PLA2G4D: variants seen among roughly 807,000 people sequenced by gnomAD.
PLA2G4D encodes phospholipase A2 group IVD, also known as cytosolic phospholipase A2 delta.
In PLA2G4D, 80 loss-of-function variants were observed where a neutral mutation model predicts 94.4. That is an observed-to-expected ratio of 0.85 (90% CI 0.71 to 1.02). The LOEUF is 1.02. Ranked by LOEUF, PLA2G4D falls within the 50% of genes least tolerant of loss-of-function variation. The pLI is 0.00. For missense variants in PLA2G4D, 1,050 were observed against 1,034.7 expected (o/e 1.01, Z -0.20); for synonymous variants, 438 against 440.9 (o/e 0.99, Z 0.08).
rs559939456 is a variant in PLA2G4D at position 42,083,421 on chromosome 15, C to G, written c.536-87G>C. ...GGACAGCAGCACCACCACCTGGATT[C>G]AGAGGATGCCTGGGAGGCTGGGCCA... On this transcript the variant is annotated intron_variant, in intron 7 of 19. Coordinates refer to ENST00000290472, the MANE Select transcript of PLA2G4D (RefSeq NM_178034.4). 90 of 1,518,558 alleles carry G rather than the reference C, an allele frequency of 5.9e-5. No homozygotes were observed. The East Asian group carries it at 1.4e-3, about 24-fold the overall frequency. 94.1% of individuals were successfully genotyped at this position (1,518,558 alleles called of 1,614,324 possible). A position where few individuals can be genotyped will look rare whatever the true frequency, so the allele number is the denominator to read the frequency against.
chr15:42,085,626 G>A (rs1311179460), intron 4 of PLA2G4D, 95 bp from the exon 5 acceptor site: 28 of 1,265,596 alleles, frequency 2.2e-5, no homozygotes, highest in African/African-American at 4.4e-5. Context: ...CCTCTCAAGC[G>A]GTCTCCAAGG....
At chr15:42,089,590 A>G (rs933956913) in intron 1 of PLA2G4D, among the ~76,000 whole-genome samples, 6 of 152,252 alleles carry the variant, frequency 3.9e-5, no homozygotes, top group Non-Finnish European at 7.4e-5. Flanking sequence ...CAGAGATTTC[A>G]TGAACTTTGG....
At chr15:42,082,441 A>G (rs745749378) in intron 8 of PLA2G4D, 52 bp from the exon 9 acceptor site, 4 of 1,357,848 alleles carry the variant, frequency 2.9e-6, no homozygotes, top group Admixed American at 3.4e-5. Flanking sequence ...ACAAATCCCT[A>G]CTAAGTATCT....
intron 15 of PLA2G4D, 30 bp downstream of exon 15, chr15:42,071,744 G>T (rs1889824136): frequency 4.3e-6 from 7 of 1,611,906 alleles, no homozygotes; most frequent in Non-Finnish European, 5.9e-6. Flanking sequence ...GCCCAGGGCT[G>T]CCCAGGGCCT....
chr15:42,071,644 C>T, intron 15 of PLA2G4D, 93 bp from the exon 16 acceptor site: 1 of 1,467,916 alleles, frequency 6.8e-7, no homozygotes. Flanking sequence ...GAGGGCTACC[C>T]CTACAATGCA....
chr15:42,068,877 G>C lies in PLA2G4D; in HGVS notation c.2295C>G (p.Pro765=). ...TGTAGGTCATGTTGGACAGGGTGTA[G>C]GGGCAGGTGGCCCCGGTGAGATCCA... ...GQVDLTGATC[P]YTLSNMTYKE... Residue 765 remains proline (P), a synonymous_variant, in exon 20 of 20, where the codon CCC becomes CCG. Coordinates refer to ENST00000290472, the MANE Select transcript of PLA2G4D (RefSeq NM_178034.4). 5.6e-6 allele frequency: 9 copies of C among 1,613,622 alleles called. No homozygotes were observed. The highest frequency in any genetic ancestry group is 7.6e-6 in the Non-Finnish European group (9 of 1,180,020).
At chr15:42,072,232 T>G in intron 14 of PLA2G4D, 43 bp downstream of exon 14, 5 of 1,506,076 alleles carry the variant, frequency 3.3e-6, no homozygotes, top group Non-Finnish European at 4.6e-6. Context: ...TGCAGAGGGT[T>G]TGGGGGGTGG....
chr15:42,086,194 T>TTGGGGGGGGGGGGGGGGGGGG lies in PLA2G4D; in HGVS notation c.387+18_387+19insCCCCCCCCCCCCCCCCCCCCA. 2.0e-5 allele frequency: 28 copies of TTGGGGGGGGGGGGGGGGGGGG among 1,370,428 alleles called. No individual in the cohort carries two copies. Among genetic ancestry groups the TTGGGGGGGGGGGGGGGGGGGG allele is most frequent in the East Asian group, 2.7e-5 (1 of 37,160 alleles). 84.9% of individuals were successfully genotyped at this position (1,370,428 alleles called of 1,614,324 possible). On this transcript the variant is annotated intron_variant, in intron 4 of 19. Coordinates refer to ENST00000290472, the MANE Select transcript of PLA2G4D (RefSeq NM_178034.4). The stretch of plus-strand genomic sequence containing the variant: ...GGAAGAAGTGGGGCCCACGGGGACT[T>TTGGGGGGGGGGGGGGGGGGGG]CCCCACCCACCCACCCACCTGGGGA...
intron 1 of PLA2G4D, among the ~76,000 whole-genome samples, chr15:42,090,969 T>TCC (rs919609955): frequency 1.3e-5 from 2 of 152,126 alleles, no homozygotes; most frequent in Admixed American, 6.5e-5. Context: ...TCTGTGAGCC[T>TCC]CCCCCTTTTT....
rs1889767023 is a variant in PLA2G4D, at chr15:42,069,895, AG to A, written c.2230+13del. The A allele has an allele frequency of 5.7e-6, 8 of 1,399,692 alleles. No homozygotes were observed. Among genetic ancestry groups the A allele is most frequent in the African/African-American group, 1.5e-5 (1 of 65,496 alleles). The allele number at this position is 1,399,692 out of a possible 1,614,324, so 86.7% of individuals were successfully genotyped here. ...GGGCCAGGCAGCCTGGGTGCTTGGGAGGGGCTGCCTCACCGGGGGCTGAGTG... is the reference window on the plus strand; with the variant it reads ...GGGCCAGGCAGCCTGGGTGCTTGGGAGGGCTGCCTCACCGGGGGCTGAGTG... On this transcript the variant is annotated intron_variant, in intron 19 of 19. Transcript: ENST00000290472.
intron 1 of PLA2G4D, among the ~76,000 whole-genome samples, chr15:42,092,486 T>C (rs2141105873): frequency 6.6e-6 from 1 of 152,334 alleles, no homozygotes; most frequent in African/African-American, 2.4e-5. Flanking sequence ...CTAATATGAT[T>C]ACTGAGATAA....
chr15:42,071,733 GGCCCAGGGCT>G, intron 15 of PLA2G4D, 31 bp downstream of exon 15: 1 of 1,604,504 alleles, frequency 6.2e-7, no homozygotes, highest in Non-Finnish European at 8.5e-7. Context: ...TCAGACACCT[GGCCCAGGGCT>G]GCCCAGGGCC....
intron 1 of PLA2G4D, 121 bp downstream of exon 1, chr15:42,094,294 A>C (rs1454678910): frequency 3.9e-5 from 45 of 1,162,198 alleles, no homozygotes. Context: ...CAAATCTCAG[A>C]CTCCCTCGCC....
In PLA2G4D at chr15:42,070,435, G is replaced by C. The variant is rs530493518; in HGVS notation, c.2043+282C>G. 2.7e-5 allele frequency: 14 copies of C among 526,660 alleles called. No individual in the cohort carries two copies. The South Asian group carries it at 4.0e-4, about 15-fold the overall frequency. 32.6% of individuals were successfully genotyped at this position (526,660 alleles called of 1,614,324 possible). A position where few individuals can be genotyped will look rare whatever the true frequency, so the allele number is the denominator to read the frequency against. ...CGTCTCAGGGGAGGTCTGGGGGATG[G>C]ACATGGAGATGCTAGGGTCTCCTCT... On this transcript the variant is annotated intron_variant, in intron 18 of 19. Transcript: ENST00000290472.
Position 42,068,675 on chromosome 15 carries a change from G to A in PLA2G4D, c.*40C>T, listed in dbSNP as rs1274369688. On this transcript the variant is annotated 3_prime_UTR_variant, in exon 20 of 20. Coordinates refer to ENST00000290472, the MANE Select transcript of PLA2G4D (RefSeq NM_178034.4). ...TGAGCCCAGCTACAGATCAGGTTATGCCCGCAGGCCCTGGAGGGTCCTGCA... is the reference window on the plus strand; with the variant it reads ...TGAGCCCAGCTACAGATCAGGTTATACCCGCAGGCCCTGGAGGGTCCTGCA... 1.9e-6 allele frequency: 3 copies of A among 1,546,446 alleles called. No homozygotes were observed. The highest frequency in any genetic ancestry group is 3.8e-5 in the Admixed American group (2 of 52,238).
rs1223078639 is a variant in PLA2G4D, at chr15:42,083,818, G to A, written c.472-39C>T. 3 of 1,600,346 alleles carry A rather than the reference G, an allele frequency of 1.9e-6. No homozygotes were observed. In the East Asian group the frequency reaches 6.7e-5, roughly 36 times the overall value. On this transcript the variant is annotated intron_variant, in intron 6 of 19. Transcript: ENST00000290472. ...CATCATGGGCAGGGGCCTCTGCAGG[G>A]TAAGCTGAGGTCCCCTTAACCTCAA...
chr15:42,072,366 C>G lies in PLA2G4D; in HGVS notation c.1344G>C (p.Gln448His). ...TCTGACCCCGTTCCAGGGCGGCTCT[C>G]TGTCCTGACAGCTTCTGATCCATCA... Reference protein sequence around the residue: ...GQVMDQKLSGQRAALERGQNP... With the variant: ...GQVMDQKLSGHRAALERGQNP... The change falls in exon 14 of 20, where the codon CAG becomes CAC. Residue 448 changes from glutamine (Q) to histidine (H), a missense_variant. Coordinates refer to ENST00000290472, the MANE Select transcript of PLA2G4D (RefSeq NM_178034.4). 6.2e-7 allele frequency: 1 copy of G among 1,613,286 alleles called. No homozygotes were observed. The highest frequency in any genetic ancestry group is 1.1e-5 in the South Asian group (1 of 91,028).
At chr15:42,092,128 C>G (rs993304980) in intron 1 of PLA2G4D, among the ~76,000 whole-genome samples, 3 of 152,070 alleles carry the variant, frequency 2.0e-5, no homozygotes. Context: ...GAGAGACCCA[C>G]CGACCCTGTG....
chr15:42,078,471 T>C (rs1889970518), intron 13 of PLA2G4D, among the ~76,000 whole-genome samples: 1 of 152,230 alleles, frequency 6.6e-6, no homozygotes, highest in Non-Finnish European at 1.5e-5. Flanking sequence ...AAGATTTTCA[T>C]AATAAATAAT....
Sources: gnomAD v4.1 joint callset for allele counts (sites outside exome capture counted in the v4.1 genomes callset) on GRCh38, gnomAD v4.1.1 for gene constraint, MANE v1.5 for transcripts, NCBI Gene and HGNC (gene_info 2026-07-23, HGNC 2026-07-21) for gene names.